CLIC4: variants seen among roughly 807,000 people sequenced by gnomAD.
CLIC4 encodes the protein CLIC family member 4, also known as chloride intracellular channel protein 4.
Under a neutral mutation model 24.6 loss-of-function variants are expected in CLIC4, and 13 were observed. The ratio of observed to expected loss-of-function variants is 0.53; its 90% CI spans 0.34 to 0.84. CLIC4 has a LOEUF of 0.84. Ranked by LOEUF, CLIC4 falls within the 40% of genes least tolerant of loss-of-function variation. CLIC4 has a pLI of 0.01. For synonymous variants in CLIC4, 104 were observed against 111.3 expected (o/e 0.93, Z 0.41); for missense variants, 227 against 301.7 (o/e 0.75, Z 1.83).
At position 24,820,067 on chromosome 1, in the gene CLIC4, G is replaced by GTGTGTATATATATATATATATATATATA. The variant is rs1212033050; in HGVS notation, c.308+5849_308+5850insGTGTATATATATATATATATATATATAT. On this transcript the variant is annotated intron_variant, in intron 3 of 5. Transcript: ENST00000374379. Reference sequence around the variant, plus strand: ...TACTTCAAAAAAAAAAAAAAAGTATGTATATATATATGTATATATATATAT... The same window carrying GTGTGTATATATATATATATATATATATA: ...TACTTCAAAAAAAAAAAAAAAGTATGTGTGTATATATATATATATATATATATATATATATATATGTATATATATATAT... Among the ~76,000 whole-genome samples, 34 of 36,448 alleles carry GTGTGTATATATATATATATATATATATA rather than the reference G, an allele frequency of 9.3e-4. 7 individuals are homozygous for GTGTGTATATATATATATATATATATATA. The highest frequency in any genetic ancestry group is 1.9e-3 in the Admixed American group (4 of 2,140). The allele number at this position is 36,448 out of a possible 152,430, so 23.9% of individuals were successfully genotyped here. A position where few individuals can be genotyped will look rare whatever the true frequency, so the allele number is the denominator to read the frequency against.
chr1:24,803,367 A>G (rs7533367), intron 2 of CLIC4, among the ~76,000 whole-genome samples: 145,032 of 152,236 alleles, frequency 0.95, 69,460 homozygotes, highest in East Asian at 1. Flanking sequence ...AGCTCACTCT[A>G]TGATTTGAAA....
chr1:24,767,443 A>G (rs1020517666), intron 1 of CLIC4, among the ~76,000 whole-genome samples: 22 of 152,168 alleles, frequency 1.4e-4, no homozygotes, highest in African/African-American at 4.6e-4. Context: ...TGTGGTTTCA[A>G]CCTTCAGGAT....
intron 2 of CLIC4, among the ~76,000 whole-genome samples, chr1:24,805,086 CA>C (rs757976140): frequency 2.1e-4 from 10 of 46,786 alleles, no homozygotes; most frequent in African/African-American, 5.8e-4. Context: ...GACTCCATGT[CA>C]AAAAAAAAAA....
intron 5 of CLIC4, among the ~76,000 whole-genome samples, chr1:24,840,439 C>A (rs545995915): frequency 6.6e-6 from 1 of 152,168 alleles, no homozygotes; most frequent in African/African-American, 2.4e-5. Context: ...TAATAATAAG[C>A]GCTAGTTGTA....
At chr1:24,779,436 C>G (rs188186595) in intron 1 of CLIC4, among the ~76,000 whole-genome samples, 2 of 152,258 alleles carry the variant, frequency 1.3e-5, no homozygotes, top group Admixed American at 1.3e-4. Context: ...CGCCACTGTA[C>G]TCCAGCCTGG....
chr1:24,814,036 A>C (rs1639643902), intron 2 of CLIC4, 58 bp from the exon 3 acceptor site: 2 of 1,606,552 alleles, frequency 1.2e-6, no homozygotes, highest in African/African-American at 1.3e-5. Flanking sequence ...AATTTAAAGT[A>C]TTATTGTTGT....
chr1:24,772,268 G>A (rs1639079203), intron 1 of CLIC4, among the ~76,000 whole-genome samples: 2 of 151,532 alleles, frequency 1.3e-5, no homozygotes, highest in Admixed American at 6.6e-5. Flanking sequence ...TTTTTTTAAA[G>A]CCAGTCAAAT....
chr1:24,785,156 A>AT (rs996439458), intron 1 of CLIC4, among the ~76,000 whole-genome samples: 111 of 146,510 alleles, frequency 7.6e-4, no homozygotes, highest in Non-Finnish European at 1.2e-3. Flanking sequence ...AGATATTTAG[A>AT]TTTTTTTCCC....
chr1:24,832,014 CT>C (rs927645712), intron 4 of CLIC4, among the ~76,000 whole-genome samples: 1 of 152,148 alleles, frequency 6.6e-6, no homozygotes, highest in Non-Finnish European at 1.5e-5. Flanking sequence ...CTCCTTTTCT[CT>C]TTTTTCCTCT....
rs1164448373 is a variant in CLIC4, at chr1:24,745,455, G to C, written c.-99G>C. 6 of 1,114,442 alleles carry C rather than the reference G, an allele frequency of 5.4e-6. No homozygotes were observed. The highest frequency in any genetic ancestry group is 3.2e-5 in the African/African-American group (2 of 61,980). 69.0% of individuals were successfully genotyped at this position (1,114,442 alleles called of 1,614,324 possible). A position where few individuals can be genotyped will look rare whatever the true frequency, so the allele number is the denominator to read the frequency against. On this transcript the variant is annotated 5_prime_UTR_variant, in exon 1 of 6. Coordinates refer to ENST00000374379, the MANE Select transcript of CLIC4 (RefSeq NM_013943.3). Reference sequence around the variant, plus strand: ...CCAGCTCGACGCCGGACAGTCCAGCGAGCAGCACGGCGGGAACCGGCAGCC... The same window carrying C: ...CCAGCTCGACGCCGGACAGTCCAGCCAGCAGCACGGCGGGAACCGGCAGCC...
intron 1 of CLIC4, among the ~76,000 whole-genome samples, chr1:24,759,089 G>C (rs887942983): frequency 6.6e-6 from 1 of 152,208 alleles, no homozygotes; most frequent in African/African-American, 2.4e-5. Flanking sequence ...AATGGATATT[G>C]ATTAAATGGT....
chr1:24,752,286 A>G (rs1638785855), intron 1 of CLIC4, among the ~76,000 whole-genome samples: 1 of 152,196 alleles, frequency 6.6e-6, no homozygotes, highest in African/African-American at 2.4e-5. Context: ...AAGTTGCTGT[A>G]ATAAGTTATC....
In CLIC4 at chr1:24,827,506, T is replaced by C. The variant is rs80204911; in HGVS notation, c.415+390T>C. 8.6e-3 allele frequency among the ~76,000 whole-genome samples: 1,307 copies of C among 152,070 alleles called. 17 individuals are homozygous for C. The highest frequency in any genetic ancestry group is 0.031 in the African/African-American group (1,268 of 41,466). On this transcript the variant is annotated intron_variant, in intron 4 of 5. Transcript: ENST00000374379. ...TTAATTTAAACTGTAACTAAATGTT[T>C]ATTGTTGAGTGCCTGCAGCCTAGAG...
chr1:24,750,066 G>T (rs1193998111), intron 1 of CLIC4, among the ~76,000 whole-genome samples: 1 of 152,050 alleles, frequency 6.6e-6, no homozygotes, highest in Admixed American at 6.6e-5. Flanking sequence ...GCTTGGGTGA[G>T]ACCCTATCTC....
intron 1 of CLIC4, among the ~76,000 whole-genome samples, chr1:24,782,905 G>T (rs1639221879): frequency 6.6e-6 from 1 of 152,080 alleles, no homozygotes; most frequent in African/African-American, 2.4e-5. Flanking sequence ...CTACAGCCTG[G>T]AGAGTTCAAG....
At chr1:24,748,815 T>C (rs1202061637) in intron 1 of CLIC4, among the ~76,000 whole-genome samples, 1 of 151,954 alleles carries the variant, frequency 6.6e-6, no homozygotes, top group Non-Finnish European at 1.5e-5. Context: ...CCAGTTTGTT[T>C]GAAAGGGGAA....
intron 2 of CLIC4, among the ~76,000 whole-genome samples, chr1:24,799,109 G>A (rs1391778984): frequency 1.3e-5 from 2 of 149,504 alleles, no homozygotes; most frequent in Admixed American, 6.6e-5. Context: ...GCCGCGCATC[G>A]TCTGGGATGT....
At chr1:24,760,377 A>T (rs1557795422) in intron 1 of CLIC4, among the ~76,000 whole-genome samples, 1 of 151,924 alleles carries the variant, frequency 6.6e-6, no homozygotes, top group Non-Finnish European at 1.5e-5. Context: ...AAGAAAAAAG[A>T]AAAAGAAAAG....
chr1:24,780,452 G>T (rs1031710568), intron 1 of CLIC4, among the ~76,000 whole-genome samples: 2 of 152,150 alleles, frequency 1.3e-5, no homozygotes, highest in African/African-American at 2.4e-5. Flanking sequence ...AATCTTTCAC[G>T]ATCTGGCCCC....
Sources: allele counts gnomAD v4.1 joint callset (sites outside exome capture counted in the v4.1 genomes callset), GRCh38; gene constraint gnomAD v4.1.1; transcripts MANE v1.5; gene names NCBI Gene and HGNC (gene_info 2026-07-23, HGNC 2026-07-21).